PRDM6: variants seen among roughly 807,000 people sequenced by gnomAD.
The protein encoded by PRDM6 is PR/SET domain 6.
In PRDM6, 25 loss-of-function variants were observed where a neutral mutation model predicts 60.8. That is an observed-to-expected ratio of 0.41 (90% CI 0.30 to 0.57). The LOEUF (loss-of-function observed/expected upper bound fraction) is 0.57. PRDM6 is among the 20% of genes least tolerant of loss of function. The probability of loss-of-function intolerance (pLI) is 0.27; values close to 1 mark genes in which losing one functional copy is unlikely to be tolerated. For missense variants in PRDM6, 839 were observed against 821.3 expected (o/e 1.02, Z -0.26); for synonymous variants, 407 against 357.4 (o/e 1.14, Z -1.57).
chr5:123,168,947 G>A (rs1765823031), intron 5 of PRDM6, among the ~76,000 whole-genome samples: 2 of 152,226 alleles, frequency 1.3e-5, no homozygotes, highest in South Asian at 2.1e-4. Flanking sequence ...GTCCCCCACC[G>A]TTGAGGATGC....
intron 3 of PRDM6, among the ~76,000 whole-genome samples, chr5:123,143,712 G>T (rs988313739): frequency 6.6e-6 from 1 of 152,100 alleles, no homozygotes; most frequent in African/African-American, 2.4e-5. Flanking sequence ...AACCAGGCTT[G>T]TTTGGAGTCC....
chr5:123,099,614 T>C lies in PRDM6; in HGVS notation c.593-40T>C. On this transcript the variant is annotated intron_variant, in intron 2 of 7. Coordinates refer to ENST00000407847, the MANE Select transcript of PRDM6 (RefSeq NM_001136239.4). This position sits in a 1 kb window ranked among gnomAD's most constrained non-coding sequence, Gnocchi z 4.0. Reference sequence around the variant, plus strand: ...GATGGGCCGCTCGGGGCGGCCGGATTAACCCGCTCCCTTCCCTTCCTCCTT... The same window carrying C: ...GATGGGCCGCTCGGGGCGGCCGGATCAACCCGCTCCCTTCCCTTCCTCCTT... 4.2e-6 allele frequency: 6 copies of C among 1,426,708 alleles called. No individual in the cohort carries two copies. Among genetic ancestry groups the C allele is most frequent in the Non-Finnish European group, 4.6e-6 (5 of 1,087,262 alleles). 88.4% of individuals were successfully genotyped at this position (1,426,708 alleles called of 1,614,324 possible).
At chr5:123,100,778 C>G (rs985789378) in intron 3 of PRDM6, among the ~76,000 whole-genome samples, 2 of 152,170 alleles carry the variant, frequency 1.3e-5, no homozygotes, top group Non-Finnish European at 2.9e-5. Context: ...TGAGGTTTCT[C>G]CCAAAACATC....
intron 3 of PRDM6, among the ~76,000 whole-genome samples, chr5:123,129,567 A>G (rs894140930): frequency 3.3e-5 from 5 of 152,220 alleles, no homozygotes; most frequent in African/African-American, 1.2e-4. Flanking sequence ...GACTTGGTAT[A>G]TCATTATCAT....
chr5:123,112,455 T>G (rs1764334471), intron 3 of PRDM6, among the ~76,000 whole-genome samples: 1 of 152,216 alleles, frequency 6.6e-6, no homozygotes, highest in Non-Finnish European at 1.5e-5. Flanking sequence ...CTCCTCGGCT[T>G]CCCATTGCTG....
At chr5:123,171,876 A>G (rs1007718593) in intron 6 of PRDM6, among the ~76,000 whole-genome samples, 1 of 152,196 alleles carries the variant, frequency 6.6e-6, no homozygotes. Flanking sequence ...GACAGTTTTG[A>G]TAGCTGGGAG....
intron 5 of PRDM6, among the ~76,000 whole-genome samples, chr5:123,166,620 G>A (rs1765758962): frequency 6.6e-6 from 1 of 152,202 alleles, no homozygotes; most frequent in African/African-American, 2.4e-5. Flanking sequence ...GAGTTTATGT[G>A]CCAGAGGGCA....
At chr5:123,134,669 A>G (rs901522277) in intron 3 of PRDM6, among the ~76,000 whole-genome samples, 3 of 152,184 alleles carry the variant, frequency 2.0e-5, no homozygotes, top group Non-Finnish European at 4.4e-5. Context: ...AAATTAAGCC[A>G]GAATAACTGT....
chr5:123,123,302 TG>T (rs777994819), intron 3 of PRDM6, among the ~76,000 whole-genome samples: 1 of 152,248 alleles, frequency 6.6e-6, no homozygotes, highest in Non-Finnish European at 1.5e-5. Context: ...ATCCAGTATT[TG>T]GCCCTTTTGA....
At chr5:123,136,806 C>T (rs895615888) in intron 3 of PRDM6, among the ~76,000 whole-genome samples, 7 of 151,808 alleles carry the variant, frequency 4.6e-5, no homozygotes, top group African/African-American at 1.7e-4. Flanking sequence ...TTACTTTCAG[C>T]GTTCTCTCTC....
At chr5:123,102,598 C>G (rs1764128021) in intron 3 of PRDM6, among the ~76,000 whole-genome samples, 1 of 151,904 alleles carries the variant, frequency 6.6e-6, no homozygotes, top group Non-Finnish European at 1.5e-5. Context: ...TAGATGTCTT[C>G]CAGAATAGCA....
chr5:123,106,362 T>C (rs1170770660), intron 3 of PRDM6, among the ~76,000 whole-genome samples: 1 of 152,114 alleles, frequency 6.6e-6, no homozygotes. Context: ...GCATCATCCA[T>C]GTTGATGTGA....
intron 3 of PRDM6, among the ~76,000 whole-genome samples, chr5:123,110,014 G>A (rs139422571): frequency 1.4e-3 from 219 of 152,196 alleles, no homozygotes; most frequent in Middle Eastern, 6.8e-3. Flanking sequence ...CAACATAGTG[G>A]CATATTTGGC....
chr5:123,153,375 GA>G (rs1765416586), intron 3 of PRDM6, among the ~76,000 whole-genome samples: 1 of 152,156 alleles, frequency 6.6e-6, no homozygotes, highest in Admixed American at 6.6e-5. Context: ...GTACGTAGAA[GA>G]CAAATTCAAC....
intron 2 of PRDM6, among the ~76,000 whole-genome samples, chr5:123,096,470 A>T (rs1329176678): frequency 6.6e-6 from 1 of 152,258 alleles, no homozygotes; most frequent in Non-Finnish European, 1.5e-5. Context: ...AGACTCAGAC[A>T]TAAGTTAGAA....
chr5:123,119,039 C>A (rs536640740), intron 3 of PRDM6, among the ~76,000 whole-genome samples: 13 of 152,240 alleles, frequency 8.5e-5, no homozygotes, highest in Non-Finnish European at 5.9e-5. Context: ...GAAGACCCCA[C>A]CTGTGTAGGG....
At chr5:123,174,496 G>A (rs914313639) in intron 6 of PRDM6, among the ~76,000 whole-genome samples, 14 of 152,334 alleles carry the variant, frequency 9.2e-5, no homozygotes, top group Admixed American at 2.0e-4. Context: ...ACAGGTTAGA[G>A]TTTCAAACAA....
At chr5:123,114,997 G>A (rs748087888) in intron 3 of PRDM6, among the ~76,000 whole-genome samples, 2 of 152,202 alleles carry the variant, frequency 1.3e-5, no homozygotes, top group Non-Finnish European at 2.9e-5. Context: ...AGTTGTAAGT[G>A]CATAGCTGTT....
chr5:123,169,254 C>A (rs1327522344), intron 5 of PRDM6, among the ~76,000 whole-genome samples: 1 of 152,170 alleles, frequency 6.6e-6, no homozygotes, highest in East Asian at 1.9e-4. Flanking sequence ...AGGTTCTAAT[C>A]ACTTCTGGAC....
Sources: gnomAD v4.1 joint callset for allele counts (sites outside exome capture counted in the v4.1 genomes callset) on GRCh38, gnomAD v4.1.1 for gene constraint, Gnocchi (gnomAD v3.1) non-coding constraint, MANE v1.5 for transcripts, NCBI Gene and HGNC (gene_info 2026-07-23, HGNC 2026-07-21) for gene names.